The following DAB2IP variants were observed in gnomAD, a reference collection of about 807,000 sequenced individuals.
DAB2IP encodes the protein DAB2 interacting protein.
DAB2IP carries 28 observed loss-of-function variants against 107.2 expected under a neutral mutation model. That is an observed-to-expected ratio of 0.26 (90% CI 0.19 to 0.36). The LOEUF (loss-of-function observed/expected upper bound fraction) is 0.36, where lower values mean the gene tolerates loss of function less well. Among genes scored for constraint, DAB2IP ranks in the 10% least tolerant of loss-of-function variants. DAB2IP has a pLI of 1.00. For synonymous variants in DAB2IP, 755 were observed against 706.4 expected (o/e 1.07, Z -1.09); for missense variants, 1,400 against 1,644.7 (o/e 0.85, Z 2.57).
chr9:121,751,718 G>A (rs75699926), intron 3 of DAB2IP: 3,729 of 154,698 alleles, frequency 0.024, 164 homozygotes, highest in African/African-American at 0.085. Flanking sequence ...TACAGGCCAT[G>A]AGGCGAGAGA....
chr9:121,643,208 C>T (rs376100666), intron 1 of DAB2IP, among the ~76,000 whole-genome samples: 1 of 152,020 alleles, frequency 6.6e-6, no homozygotes. Flanking sequence ...TCTGAATGCT[C>T]CCAATGTAGT....
intron 1 of DAB2IP, among the ~76,000 whole-genome samples, chr9:121,658,863 G>A (rs913497508): frequency 5.3e-5 from 8 of 152,146 alleles, no homozygotes; most frequent in African/African-American, 9.7e-5. Flanking sequence ...TCCTCCCTTC[G>A]CCAGGTTCCT....
chr9:121,603,509 C>G (rs1589394668), intron 1 of DAB2IP, among the ~76,000 whole-genome samples: 1 of 152,186 alleles, frequency 6.6e-6, no homozygotes, highest in Admixed American at 6.5e-5. Context: ...TGTATGTGGG[C>G]AGGGGAGGGA....
chr9:121,608,543 G>C (rs1168085826), intron 1 of DAB2IP, among the ~76,000 whole-genome samples: 3 of 152,136 alleles, frequency 2.0e-5, no homozygotes, highest in African/African-American at 7.2e-5. Context: ...CAGGAGTTGG[G>C]GGGGTAAGGT....
chr9:121,728,288 G>C (rs1002389677), intron 3 of DAB2IP, among the ~76,000 whole-genome samples: 1 of 152,160 alleles, frequency 6.6e-6, no homozygotes, highest in Admixed American at 6.5e-5. Flanking sequence ...GAGGCATCCT[G>C]TGATCAGTTT....
intron 1 of DAB2IP, among the ~76,000 whole-genome samples, chr9:121,611,188 G>T (rs1564699535): frequency 6.6e-6 from 1 of 152,218 alleles, no homozygotes; most frequent in Non-Finnish European, 1.5e-5. Flanking sequence ...TGGCCAGGCT[G>T]GTCTCGAACT....
At position 121,711,709 on chromosome 9, in the gene DAB2IP, G is replaced by T. The variant is rs114831506; in HGVS notation, c.362+12251G>T. Among the ~76,000 whole-genome samples, 125 of 152,248 alleles carry T rather than the reference G, an allele frequency of 8.2e-4. 1 individual carries two copies. The highest frequency in any genetic ancestry group is 2.9e-3 in the African/African-American group (121 of 41,548). On this transcript the variant is annotated intron_variant, in intron 3 of 15. Coordinates refer to ENST00000408936, the Ensembl canonical transcript of DAB2IP. ...AACAGGTAGTGGGTCATATGTATTT[G>T]AAAAAAGTCATCCTAGGTCCTCAAT...
chr9:121,718,791 C>G (rs917438169), intron 3 of DAB2IP, among the ~76,000 whole-genome samples: 2 of 152,198 alleles, frequency 1.3e-5, no homozygotes, highest in African/African-American at 4.8e-5. Context: ...GTTGTGTCCT[C>G]TCTCTGGAAT....
chr9:121,734,395 A>AG (rs1831746612), intron 3 of DAB2IP, among the ~76,000 whole-genome samples: 1 of 140,644 alleles, frequency 7.1e-6, no homozygotes, highest in East Asian at 1.9e-4. Flanking sequence ...AAAAAAAAAA[A>AG]AAAAAAGATG....
At chr9:121,588,994 C>T (rs1407840786) in intron 1 of DAB2IP, among the ~76,000 whole-genome samples, 1 of 152,036 alleles carries the variant, frequency 6.6e-6, no homozygotes, top group Admixed American at 6.6e-5. Context: ...CCAAGGCATT[C>T]CCCTCCAGCA....
At chr9:121,697,351 C>T (rs1829476649) in intron 2 of DAB2IP, among the ~76,000 whole-genome samples, 2 of 152,212 alleles carry the variant, frequency 1.3e-5, no homozygotes, top group South Asian at 2.1e-4. Flanking sequence ...AGAAAAGGTA[C>T]AAGCCCATTG....
chr9:121,751,743 G>A (rs1833135608), intron 3 of DAB2IP: 1 of 158,846 alleles, frequency 6.3e-6, no homozygotes, highest in Non-Finnish European at 1.4e-5. Flanking sequence ...GGACAGGAGT[G>A]AGGCCATGCC....
At chr9:121,682,424 G>A (rs546791799) in intron 2 of DAB2IP, among the ~76,000 whole-genome samples, 1 of 152,204 alleles carries the variant, frequency 6.6e-6, no homozygotes, top group East Asian at 1.9e-4. Flanking sequence ...GGCTCAGCCT[G>A]TCCACCTTCT....
chr9:121,765,452 A>G (rs1337406330), intron 8 of DAB2IP, among the ~76,000 whole-genome samples: 1 of 152,192 alleles, frequency 6.6e-6, no homozygotes, highest in Non-Finnish European at 1.5e-5. Context: ...GCCAGCATGC[A>G]TTGCAGGAGA....
rs1336132870 is a variant in DAB2IP, at chr9:121,720,586, C to T, written c.362+21128C>T. 3.3e-5 allele frequency among the ~76,000 whole-genome samples: 5 copies of T among 152,252 alleles called. No individual in the cohort carries two copies. The East Asian group carries it at 9.7e-4, about 29-fold the overall frequency. The stretch of plus-strand genomic sequence containing the variant: ...GTCAGCCAGGGAGGGGCAGAACCAG[C>T]CCCAGCCACTGCCCACTCCCTGCTC... On this transcript the variant is annotated intron_variant, in intron 3 of 15. Coordinates refer to ENST00000408936, the Ensembl canonical transcript of DAB2IP.
Position 121,781,462 on chromosome 9 carries a change from A to G in DAB2IP, c.3315-2A>G. 6.2e-7 allele frequency: 1 copy of G among 1,613,726 alleles called. No individual in the cohort carries two copies. The highest frequency in any genetic ancestry group is 1.1e-5 in the South Asian group (1 of 91,064). On this transcript the variant is annotated splice_acceptor_variant, in intron 14 of 15. Transcript: ENST00000408936. LOFTEE classifies it high-confidence loss of function. ...TCTGACTGTCTCTGTCTCTGGCTATAGGTTGATGTCCGTGGAGGAAGAACT... is the reference window on the plus strand; with the variant it reads ...TCTGACTGTCTCTGTCTCTGGCTATGGGTTGATGTCCGTGGAGGAAGAACT...
chr9:121,651,845 C>A lies in DAB2IP; in HGVS notation c.70C>A (p.Pro24Thr), dbSNP rs1034391397. The change falls in exon 1 of 16, where the codon CCC becomes ACC. Residue 24 changes from proline (P) to threonine (T), a missense_variant. Pro to Thr is a conservative substitution (Grantham distance 38). Transcript: ENST00000408936. This position sits in a 1 kb window ranked among gnomAD's most constrained non-coding sequence, Gnocchi z 5.1. ...CTACTACTACCGGCTGCTGAGGCGG[C>A]CCCGGCTGCAGCGACAGAGGAGCCG... 14 of 1,469,526 alleles carry A rather than the reference C, an allele frequency of 9.5e-6. No individual in the cohort carries two copies. Among genetic ancestry groups the A allele is most frequent in the Non-Finnish European group, 1.2e-5 (13 of 1,108,364 alleles). The allele number at this position is 1,469,526 out of a possible 1,614,324, so 91.0% of individuals were successfully genotyped here.
chr9:121,679,859 G>A (rs1828491966), intron 2 of DAB2IP, among the ~76,000 whole-genome samples: 1 of 152,032 alleles, frequency 6.6e-6, no homozygotes, highest in African/African-American at 2.4e-5. Context: ...AGGACAGAGA[G>A]AGAGAGAGAG....
intron 1 of DAB2IP, among the ~76,000 whole-genome samples, chr9:121,663,756 T>A (rs1833301056): frequency 6.6e-6 from 1 of 152,246 alleles, no homozygotes; most frequent in South Asian, 2.1e-4. Flanking sequence ...TAGCTGGGAC[T>A]GAGCTGGGCC....
Sources: allele counts gnomAD v4.1 joint callset (sites outside exome capture counted in the v4.1 genomes callset), GRCh38; gene constraint gnomAD v4.1.1; non-coding constraint Gnocchi (gnomAD v3.1); transcripts MANE v1.5; gene names NCBI Gene and HGNC (gene_info 2026-07-23, HGNC 2026-07-21).